ATAD3B: variants seen among roughly 807,000 people sequenced by gnomAD.
ATAD3B encodes ATPase family AAA domain-containing protein 3B.
In ATAD3B, 59 loss-of-function variants were observed where a neutral mutation model predicts 70.2. The observed-to-expected ratio is 0.84, with a 90% CI of 0.68 to 1.04. The LOEUF (loss-of-function observed/expected upper bound fraction) is 1.04, where lower values mean the gene tolerates loss of function less well. Ranked by LOEUF, ATAD3B falls within the 50% of genes least tolerant of loss-of-function variation. ATAD3B has a pLI of 0.00. For missense variants in ATAD3B, 961 were observed against 913.4 expected, an observed-to-expected ratio of 1.05 and a Z score of -0.67; for synonymous variants, 423 against 388.6, an observed-to-expected ratio of 1.09 and a Z score of -1.04.
At position 1,495,569 on chromosome 1, in the gene ATAD3B, CAGA is replaced by C. The variant is rs1557434422; in HGVS notation, c.1703_1705del (p.Lys568del). The C allele has an allele frequency of 1.2e-6, 2 of 1,613,162 alleles. No individual in the cohort carries two copies. The highest frequency in any genetic ancestry group is 3.3e-5 in the Admixed American group (2 of 59,974). On this transcript the variant is annotated inframe_deletion, in exon 16 of 16. Coordinates refer to ENST00000673477, the MANE Select transcript of ATAD3B (RefSeq NM_031921.6). Reference sequence around the variant, plus strand: ...GCAAGATGCTGTCCAGCAGTACCGACAGAAGATGCGCTGGCTGAAGGCGGAGGG... The same window carrying C: ...GCAAGATGCTGTCCAGCAGTACCGACAGATGCGCTGGCTGAAGGCGGAGGG...
downstream of ATAD3B, among the ~76,000 whole-genome samples, chr1:1,498,048 A>G (rs1034087933): frequency 5.3e-5 from 8 of 151,690 alleles, no homozygotes; most frequent in African/African-American, 1.9e-4. Flanking sequence ...CACTCCTGTA[A>G]TCCCAGCACT....
At chr1:1,491,271 C>G (rs988192158) in intron 15 of ATAD3B, among the ~76,000 whole-genome samples, 1 of 152,044 alleles carries the variant, frequency 6.6e-6, no homozygotes, top group African/African-American at 2.4e-5. Context: ...CGCGGTGGCT[C>G]ACGCCTGCAA....
chr1:1,481,940 C>T (rs1446474795), intron 5 of ATAD3B, among the ~76,000 whole-genome samples, 198 bp from the exon 6 acceptor site: 9 of 139,370 alleles, frequency 6.5e-5, no homozygotes, highest in Admixed American at 4.8e-4. Context: ...CTGTCTGTGG[C>T]GTGGGCCGGT....
rs144198445 is a variant in ATAD3B, at chr1:1,495,729, G to A, written c.1859G>A (p.Gly620Glu). ...ACATTTAGGATATGCTCCTGGATGG[G>A]GACTGGGCTGTGCCCAGGGCCTCTG... Reference protein sequence around the residue: ...PCTFRICSWMGTGLCPGPLSP... With the variant: ...PCTFRICSWMETGLCPGPLSP... Residue 620 changes from glycine (G) to glutamate (E), a missense_variant, in exon 16 of 16, where the codon GGG (glycine) becomes GAG (glutamate). Gly to Glu is a moderately conservative substitution (Grantham distance 98). Transcript: ENST00000673477. 5,906 of 1,613,086 alleles carry A rather than the reference G, an allele frequency of 3.7e-3. 72 individuals carry two copies. In the African/African-American group the frequency reaches 0.069, roughly 19 times the overall value.
rs2100545592 is a variant in ATAD3B at position 1,480,331 on chromosome 1, C to T, written c.445-536C>T. On this transcript the variant is annotated intron_variant, in intron 4 of 15. Coordinates refer to ENST00000673477, the MANE Select transcript of ATAD3B (RefSeq NM_031921.6). ...GCAGCGGCTCTCCAGGCACGACAAG[C>T]CTCCTTGTCTCCCACCCGGGCGCCC... is the stretch of plus-strand genomic sequence containing the variant. 1.4e-5 allele frequency among the ~76,000 whole-genome samples: 2 copies of T among 146,122 alleles called. 1 individual carries two copies. Among genetic ancestry groups the T allele is most frequent in the African/African-American group, 5.1e-5 (2 of 39,030 alleles).
At chr1:1,487,222 G>A (rs1380700309) in intron 11 of ATAD3B, among the ~76,000 whole-genome samples, 2 of 151,976 alleles carry the variant, frequency 1.3e-5, no homozygotes, top group African/African-American at 4.8e-5. Context: ...CAGGCGTGGT[G>A]GCTCACGGCT....
downstream of ATAD3B, among the ~76,000 whole-genome samples, chr1:1,499,893 C>CTT (rs542576090): frequency 7.2e-6 from 1 of 137,994 alleles, no homozygotes. Flanking sequence ...CGTGCCCAGC[C>CTT]TTTTTTTTTT....
At chr1:1,487,226 C>T (rs1454468974) in intron 11 of ATAD3B, among the ~76,000 whole-genome samples, 2 of 151,896 alleles carry the variant, frequency 1.3e-5, no homozygotes, top group African/African-American at 2.4e-5. Context: ...CGTGGTGGCT[C>T]ACGGCTGTAA....
At chr1:1,492,894 G>C (rs1251090362) in intron 15 of ATAD3B, among the ~76,000 whole-genome samples, 2 of 150,458 alleles carry the variant, frequency 1.3e-5, no homozygotes, top group African/African-American at 4.9e-5. Flanking sequence ...AGCTGAGATG[G>C]TGCCACTGCA....
intron 14 of ATAD3B, 37 bp from the exon 15 acceptor site, chr1:1,490,526 C>G (rs377059279): frequency 6.2e-7 from 1 of 1,610,758 alleles, no homozygotes; most frequent in African/African-American, 1.3e-5. Flanking sequence ...GTGGGGTCCG[C>G]GGCCTTGGCT....
chr1:1,503,970 T>C, the ATAD3B span, among the ~76,000 whole-genome samples: 1 of 152,100 alleles, frequency 6.6e-6, no homozygotes, highest in Non-Finnish European at 1.5e-5. Flanking sequence ...TTGCATTGCA[T>C]TGCATTGCAT....
At chr1:1,499,883 C>T (rs189948263), downstream of ATAD3B, among the ~76,000 whole-genome samples, 3,616 of 150,598 alleles carry the variant, frequency 0.024, 74 homozygotes, top group Admixed American at 0.044. Context: ...CGTGAGCCAC[C>T]GTGCCCAGCC....
chr1:1,474,054 G>A (rs1353817520), intron 1 of ATAD3B, among the ~76,000 whole-genome samples: 1 of 151,988 alleles, frequency 6.6e-6, no homozygotes, highest in African/African-American at 2.4e-5. Context: ...CCGACAGTGC[G>A]TGTTCTGTTT....
downstream of ATAD3B, among the ~76,000 whole-genome samples, chr1:1,498,537 G>A (rs1276009593): frequency 6.6e-6 from 1 of 151,664 alleles, no homozygotes; most frequent in African/African-American, 2.4e-5. Flanking sequence ...GGGTCGGTGG[G>A]TGGGGGTACA....
At chr1:1,492,885 G>A (rs1640606062) in intron 15 of ATAD3B, among the ~76,000 whole-genome samples, 1 of 151,380 alleles carries the variant, frequency 6.6e-6, no homozygotes, top group Admixed American at 6.6e-5. Context: ...GTTGCAGTGA[G>A]CTGAGATGGT....
At chr1:1,506,350 G>T in the ATAD3B span, among the ~76,000 whole-genome samples, 2 of 151,962 alleles carry the variant, frequency 1.3e-5, no homozygotes, top group Middle Eastern at 6.8e-3. Flanking sequence ...GTTTTACAGG[G>T]ATTGCATCCA....
At position 1,471,829 on chromosome 1, in the gene ATAD3B, C is replaced by G. The variant is rs1240505; in HGVS notation, c.-56C>G. Reference sequence around the variant, plus strand: ...GCGTGGAGGCTGCTCCCAGCCGCGCCCGAGTCAGACTCGGGTGGGGGTCCC... The same window carrying G: ...GCGTGGAGGCTGCTCCCAGCCGCGCGCGAGTCAGACTCGGGTGGGGGTCCC... On this transcript the variant is annotated 5_prime_UTR_variant, in exon 1 of 16. Transcript: ENST00000673477. 2,313 of 1,244,638 alleles carry G rather than the reference C, an allele frequency of 1.9e-3. 35 individuals carry two copies. Among genetic ancestry groups the G allele is most frequent in the Middle Eastern group, 0.013 (41 of 3,166 alleles). The allele number at this position is 1,244,638 out of a possible 1,614,324, so 77.1% of individuals were successfully genotyped here.
Position 1,483,643 on chromosome 1 carries a change from A to G in ATAD3B, c.750+1029A>G, listed in dbSNP as rs141079198. The G allele has an allele frequency of 2.8e-3, 451 of 158,578 alleles. 9 individuals carry two copies. In the Middle Eastern group the frequency reaches 0.032, roughly 11 times the overall value. The allele number at this position is 158,578 out of a possible 1,614,324, so 9.8% of individuals were successfully genotyped here. ...AAAAATTGGCCGGGCCTCGTGGCAC[A>G]GGTCTGTATTAGCTGAGTGTGGTGA... is the stretch of plus-strand genomic sequence containing the variant. On this transcript the variant is annotated intron_variant, in intron 7 of 15. Coordinates refer to ENST00000673477, the MANE Select transcript of ATAD3B (RefSeq NM_031921.6).
intron 1 of ATAD3B, among the ~76,000 whole-genome samples, chr1:1,475,735 A>G (rs1482155718): frequency 6.6e-6 from 1 of 151,820 alleles, no homozygotes; most frequent in Non-Finnish European, 1.5e-5. Context: ...GCTGGGACGC[A>G]CGTCCCTGGC....
Sources: allele counts gnomAD v4.1 joint callset (sites outside exome capture counted in the v4.1 genomes callset), GRCh38; gene constraint gnomAD v4.1.1; transcripts MANE v1.5; gene names NCBI Gene and HGNC (gene_info 2026-07-23, HGNC 2026-07-21).